The following ANXA11 variants were observed in gnomAD, a reference collection of about 807,000 sequenced individuals.
The protein encoded by ANXA11 is 56 kDa autoantigen.
In ANXA11, 57 loss-of-function variants were observed where a neutral mutation model predicts 64.7. The observed-to-expected ratio is 0.88, with a 90% confidence interval of 0.71 to 1.10. The LOEUF is 1.10. ANXA11 is among the 50% of genes least tolerant of loss of function. The probability of loss-of-function intolerance (pLI) is 0.00; values close to 1 mark genes in which losing one functional copy is unlikely to be tolerated. For synonymous variants in ANXA11, 260 were observed against 265.2 expected (o/e 0.98, Z 0.19); for missense variants, 675 against 670.7 (o/e 1.01, Z -0.07).
rs1405997143 is a variant in ANXA11 at position 80,163,536 on chromosome 10, G to A, written c.1027C>T (p.Gln343Ter). The change falls in exon 10 of 16, where the codon CAG (glutamine) becomes TAG (stop). Residue 343 changes from glutamine to a stop codon, truncating the protein, a stop_gained and splice_region_variant. Coordinates refer to ENST00000422982, the MANE Select transcript of ANXA11 (RefSeq NM_145868.2). LOFTEE classifies it high-confidence loss of function. ...HFQRLLISLS[Q>*]GNRDESTNVD... ...GAGCCCTGTCGTGGGAAAAGTACCT[G>A]AGAGAGAGAGATGAGGAGCCGCTGG... 6.3e-7 allele frequency: 1 copy of A among 1,579,480 alleles called. No individual in the cohort carries two copies. The highest frequency in any genetic ancestry group is 1.1e-5 in the South Asian group (1 of 87,156).
In ANXA11 at chr10:80,174,496, C is replaced by T. The variant is rs150316544; in HGVS notation, c.-9+1611G>A. Among the ~76,000 whole-genome samples the T allele has an allele frequency of 1.9e-3, 276 of 148,010 alleles. 9 individuals are homozygous for T. The East Asian group carries it at 0.046, about 25-fold the overall frequency. ...TTCACCATGTTGGCCAGGCTGGTCT[C>T]GAACTCCTGACCTCAGGTGATCTGC... On this transcript the variant is annotated intron_variant, in intron 2 of 15. Coordinates refer to ENST00000422982, the MANE Select transcript of ANXA11 (RefSeq NM_145868.2).
chr10:80,177,320 A>G (rs1309074354), intron 1 of ANXA11, among the ~76,000 whole-genome samples: 1 of 152,032 alleles, frequency 6.6e-6, no homozygotes, highest in Non-Finnish European at 1.5e-5. Flanking sequence ...CAAACGCCCC[A>G]GGTATGGTCT....
Position 80,187,093 on chromosome 10 carries a change from C to T in ANXA11, c.-57-10938G>A, listed in dbSNP as rs543058065. On this transcript the variant is annotated intron_variant, in intron 1 of 15. Transcript: ENST00000422982. ...GACGCTGAGGTTCTTGCAACAGACACAGTGGCAGTGACAGAAAAAGCCCCC... is the reference window on the plus strand; with the variant it reads ...GACGCTGAGGTTCTTGCAACAGACATAGTGGCAGTGACAGAAAAAGCCCCC... Among the ~76,000 whole-genome samples, 10 of 152,332 alleles carry T rather than the reference C, an allele frequency of 6.6e-5. No individual in the cohort carries two copies. In the East Asian group the frequency reaches 1.2e-3, roughly 18 times the overall value.
chr10:80,196,930 G>A (rs1036171840), intron 1 of ANXA11, among the ~76,000 whole-genome samples: 5 of 152,184 alleles, frequency 3.3e-5, no homozygotes, highest in Admixed American at 6.5e-5. Flanking sequence ...GGCAGCGTCC[G>A]GAGCCTCACC....
rs1483233028 is a variant in ANXA11 at position 80,154,966 on chromosome 10, T to A, written c.*887A>T. The A allele has an allele frequency of 1.5e-4, 23 of 152,244 alleles. No homozygotes were observed. The highest frequency in any genetic ancestry group is 1.5e-3 in the Admixed American group (23 of 15,274). The allele number at this position is 152,244 out of a possible 1,614,324, so 9.4% of individuals were successfully genotyped here. ...CTGCCTGGATTTCGGGAACCTCCCT[T>A]CCCATGTCCTTACGAGTCCCTGCAA... On this transcript the variant is annotated 3_prime_UTR_variant, in exon 16 of 16. Coordinates refer to ENST00000422982, the MANE Select transcript of ANXA11 (RefSeq NM_145868.2).
chr10:80,183,406 G>C (rs1846425324), intron 1 of ANXA11, among the ~76,000 whole-genome samples: 1 of 152,230 alleles, frequency 6.6e-6, no homozygotes, highest in South Asian at 2.1e-4. Context: ...GGGATCTCAG[G>C]ATTTCTGAAG....
In ANXA11 at chr10:80,157,293, G is replaced by A. The variant is rs1292879356; in HGVS notation, c.1458+348C>T. The A allele has an allele frequency of 3.0e-6, 3 of 985,320 alleles. No homozygotes were observed. The Admixed American group carries it at 1.8e-4, about 61-fold the overall frequency. The allele number at this position is 985,320 out of a possible 1,614,324, so 61.0% of individuals were successfully genotyped here. A position where few individuals can be genotyped will look rare whatever the true frequency, so the allele number is the denominator to read the frequency against. On this transcript the variant is annotated intron_variant, in intron 15 of 15. Coordinates refer to ENST00000422982, the MANE Select transcript of ANXA11 (RefSeq NM_145868.2). The stretch of plus-strand genomic sequence containing the variant: ...AGTGCAGGAAGTGCTTTGTCAGGGA[G>A]TGACAGCAGAGCTCCACAGAGCCTT...
chr10:80,173,227 A>G (rs1772893439), intron 2 of ANXA11, among the ~76,000 whole-genome samples: 2 of 152,194 alleles, frequency 1.3e-5, no homozygotes, highest in South Asian at 4.1e-4. Context: ...CTCCCACCTC[A>G]GAGGTAGAGA....
At chr10:80,184,538 G>T (rs748080837) in intron 1 of ANXA11, among the ~76,000 whole-genome samples, 23 of 151,932 alleles carry the variant, frequency 1.5e-4, no homozygotes, top group Non-Finnish European at 3.2e-4. Flanking sequence ...GTGTGTGTGT[G>T]AGAGAGAGAC....
chr10:80,192,587 G>T (rs1304402569), intron 1 of ANXA11, among the ~76,000 whole-genome samples: 1 of 152,170 alleles, frequency 6.6e-6, no homozygotes, highest in Admixed American at 6.5e-5. Context: ...GATCAGCAAA[G>T]CAATCATTGT....
At chr10:80,202,210 G>GA (rs1564630669) in intron 1 of ANXA11, among the ~76,000 whole-genome samples, 1 of 151,468 alleles carries the variant, frequency 6.6e-6, no homozygotes, top group Non-Finnish European at 1.5e-5. Context: ...GGGAAGCGGG[G>GA]GGTCTCTGTG....
At chr10:80,183,112 T>C (rs1846414890) in intron 1 of ANXA11, among the ~76,000 whole-genome samples, 1 of 152,156 alleles carries the variant, frequency 6.6e-6, no homozygotes, top group Admixed American at 6.5e-5. Flanking sequence ...GCTCACGACC[T>C]CCACACAGTG....
chr10:80,185,970 C>T (rs924395762), intron 1 of ANXA11, among the ~76,000 whole-genome samples: 18 of 150,924 alleles, frequency 1.2e-4, no homozygotes, highest in African/African-American at 4.5e-4. Flanking sequence ...TCATTACATA[C>T]TTCATTAAAG....
Position 80,163,589 on chromosome 10 carries a change from G to A in ANXA11, c.974C>T (p.Ala325Val). The change falls in exon 10 of 16, where the codon GCC (alanine) becomes GTC (valine). Residue 325 changes from alanine (A) to valine (V), a missense_variant. Transcript: ENST00000422982. ...KAEFKKTLEE[A>V]IRSDTSGHFQ... ...GTGCCCTGATGTGTCGCTTCGAATG[G>A]CCTCTTCCAGGGTCTTTTTGAATTC... 1 of 1,559,810 alleles carries A rather than the reference G, an allele frequency of 6.4e-7. No individual in the cohort carries two copies. The highest frequency in any genetic ancestry group is 2.4e-5 in the East Asian group (1 of 41,934).
rs1330114607 is a variant in ANXA11, at chr10:80,153,041, T to C, written c.*2812A>G. ...ATATAACAAGTGGAGTATACGCCTG[T>C]GACCTAAACTCGCTGAGTCACTCTG... On this transcript the variant is annotated 3_prime_UTR_variant, in exon 16 of 16. Transcript: ENST00000422982. 1 of 152,248 alleles carries C rather than the reference T, an allele frequency of 6.6e-6. No individual in the cohort carries two copies. Among genetic ancestry groups the C allele is most frequent in the Non-Finnish European group, 1.5e-5 (1 of 68,056 alleles). The allele number at this position is 152,248 out of a possible 1,614,324, so 9.4% of individuals were successfully genotyped here.
Position 80,151,586 on chromosome 10 carries a change from C to G in ANXA11, c.*4267G>C, listed in dbSNP as rs1845158079. ...CCTAAGGTAGGGCTGTAACTCCCTG[C>G]CAAGGCCAACAGAAAATGGGCATGG... On this transcript the variant is annotated 3_prime_UTR_variant, in exon 16 of 16. Coordinates refer to ENST00000422982, the MANE Select transcript of ANXA11 (RefSeq NM_145868.2). 6.6e-6 allele frequency: 1 copy of G among 152,148 alleles called. No individual in the cohort carries two copies. Among genetic ancestry groups the G allele is most frequent in the Non-Finnish European group, 1.5e-5 (1 of 68,016 alleles). The allele number at this position is 152,148 out of a possible 1,614,324, so 9.4% of individuals were successfully genotyped here.
chr10:80,158,082 G>A, intron 13 of ANXA11, 57 bp from the exon 14 acceptor site: 1 of 1,547,098 alleles, frequency 6.5e-7, no homozygotes, highest in Middle Eastern at 1.7e-4. Context: ...GCCCAAGCAG[G>A]GCATGGAGTC....
Position 80,157,564 on chromosome 10 carries a change from G to A in ANXA11, c.1458+77C>T, listed in dbSNP as rs12775374. The A allele has an allele frequency of 0.037, 57,351 of 1,564,900 alleles. 1,219 individuals carry two copies. Among genetic ancestry groups the A allele is most frequent in the Middle Eastern group, 0.046 (270 of 5,848 alleles). ...ACACAGCACAGAGGCCAAGCATATG[G>A]CCACTCCAAGGAGGGAGGTTCCACA... On this transcript the variant is annotated intron_variant, in intron 15 of 15. Transcript: ENST00000422982.
chr10:80,162,191 G>A (rs1343462297), intron 11 of ANXA11, among the ~76,000 whole-genome samples, 163 bp from the exon 12 acceptor site: 2 of 152,184 alleles, frequency 1.3e-5, no homozygotes, highest in Non-Finnish European at 2.9e-5. Context: ...TAGGCCTCAG[G>A]TAGCAGCCCT....
Sources: allele counts gnomAD v4.1 joint callset (sites outside exome capture counted in the v4.1 genomes callset), GRCh38; gene constraint gnomAD v4.1.1; transcripts MANE v1.5; gene names NCBI Gene and HGNC (gene_info 2026-07-23, HGNC 2026-07-21).